Variants in KIAA1549L observed in about 807,000 individuals in gnomAD.
KIAA1549L encodes KIAA1549 like, also known as UPF0606 protein KIAA1549L.
In KIAA1549L, 88 loss-of-function variants were observed where a neutral mutation model predicts 160.7. The ratio of observed to expected loss-of-function variants is 0.55; its 90% CI spans 0.46 to 0.65. The LOEUF (loss-of-function observed/expected upper bound fraction) is 0.65. KIAA1549L is among the 30% of genes least tolerant of loss of function. The probability of loss-of-function intolerance (pLI) is 0.00; values close to 1 mark genes in which losing one functional copy is unlikely to be tolerated. For missense variants in KIAA1549L, 2,258 were observed against 2,437.5 expected, an observed-to-expected ratio of 0.93 and a Z score of 1.55; for synonymous variants, 950 against 976.7, an observed-to-expected ratio of 0.97 and a Z score of 0.51.
intron 17 of KIAA1549L, among the ~76,000 whole-genome samples, chr11:33,653,298 G>A (rs915907776): frequency 2.0e-5 from 3 of 152,178 alleles, no homozygotes; most frequent in African/African-American, 7.2e-5. Context: ...AAAAAAAATT[G>A]GAAGTACAGC....
intron 1 of KIAA1549L, among the ~76,000 whole-genome samples, chr11:33,480,547 T>C (rs1280700919): frequency 6.6e-6 from 1 of 152,176 alleles, no homozygotes; most frequent in Middle Eastern, 3.2e-3. Flanking sequence ...AGAAGTGTAA[T>C]TCATGGGTTA....
chr11:33,505,656 C>T (rs1415772870), intron 1 of KIAA1549L, among the ~76,000 whole-genome samples: 2 of 152,280 alleles, frequency 1.3e-5, no homozygotes, highest in East Asian at 1.9e-4. Context: ...CTGAGCAAAG[C>T]AATGGGACAG....
intron 11 of KIAA1549L, among the ~76,000 whole-genome samples, chr11:33,589,879 C>T (rs540909752): frequency 1.3e-5 from 2 of 152,082 alleles, no homozygotes; most frequent in Non-Finnish European, 1.5e-5. Context: ...GCATGTTTTG[C>T]ACATGTACCC....
chr11:33,456,415 T>A (rs1427205332), intron 1 of KIAA1549L, among the ~76,000 whole-genome samples: 4 of 151,902 alleles, frequency 2.6e-5, no homozygotes, highest in African/African-American at 7.2e-5. Context: ...GTTGTTGTTG[T>A]TTTTTGTTTT....
At chr11:33,405,725 C>G (rs980560211) in intron 1 of KIAA1549L, among the ~76,000 whole-genome samples, 1 of 150,920 alleles carries the variant, frequency 6.6e-6, no homozygotes, top group African/African-American at 2.4e-5. Flanking sequence ...ACCTGTAGTC[C>G]CAGCTACTCA....
intron 1 of KIAA1549L, among the ~76,000 whole-genome samples, chr11:33,475,845 AG>A (rs1565151768): frequency 6.6e-6 from 1 of 152,182 alleles, no homozygotes; most frequent in African/African-American, 2.4e-5. Flanking sequence ...TGACAGAGTG[AG>A]ACTGAGACTC....
intron 1 of KIAA1549L, among the ~76,000 whole-genome samples, chr11:33,441,507 A>G (rs1490685308): frequency 6.6e-6 from 1 of 151,252 alleles, no homozygotes; most frequent in Non-Finnish European, 1.5e-5. Context: ...CGACTTCCAC[A>G]ATGGTTGAAC....
At chr11:33,617,869 A>G (rs1337950300) in intron 15 of KIAA1549L, among the ~76,000 whole-genome samples, 1 of 150,366 alleles carries the variant, frequency 6.7e-6, no homozygotes, top group African/African-American at 2.5e-5. Flanking sequence ...GGATGGACAG[A>G]TGGGTAGGTA....
At chr11:33,502,270 G>A (rs896362752) in intron 1 of KIAA1549L, among the ~76,000 whole-genome samples, 4 of 152,184 alleles carry the variant, frequency 2.6e-5, no homozygotes, top group African/African-American at 7.2e-5. Context: ...TTTAATCGGG[G>A]ATTTTTATGT....
At chr11:33,401,714 A>G (rs1467166543) in intron 1 of KIAA1549L, among the ~76,000 whole-genome samples, 2 of 152,152 alleles carry the variant, frequency 1.3e-5, no homozygotes, top group Non-Finnish European at 2.9e-5. Context: ...GGCACATGCC[A>G]CAATGCCCAG....
chr11:33,403,491 C>CACAG (rs2134071966), intron 1 of KIAA1549L: 1 of 149,080 alleles, frequency 6.7e-6, no homozygotes, highest in Non-Finnish European at 1.5e-5. Flanking sequence ...ACATCAGACA[C>CACAG]ACATAGACAC....
intron 16 of KIAA1549L, among the ~76,000 whole-genome samples, chr11:33,624,891 A>G (rs1851057444): frequency 6.8e-6 from 1 of 146,438 alleles, no homozygotes; most frequent in African/African-American, 2.5e-5. Flanking sequence ...TATATCTCCC[A>G]GTGCTATCCC....
intron 14 of KIAA1549L, among the ~76,000 whole-genome samples, chr11:33,608,691 A>G (rs1344662776): frequency 1.3e-5 from 2 of 152,254 alleles, no homozygotes; most frequent in African/African-American, 4.8e-5. Flanking sequence ...TCCCAGGCCC[A>G]TCACCTTGTC....
chr11:33,581,136 T>G (rs552813207), intron 10 of KIAA1549L, among the ~76,000 whole-genome samples: 2 of 152,210 alleles, frequency 1.3e-5, no homozygotes, highest in African/African-American at 4.8e-5. Context: ...GGGACCCCAC[T>G]GGGAAGAGAA....
At chr11:33,493,773 C>T (rs1448545756) in intron 1 of KIAA1549L, among the ~76,000 whole-genome samples, 1 of 152,198 alleles carries the variant, frequency 6.6e-6, no homozygotes, top group African/African-American at 2.4e-5. Flanking sequence ...AACCAAGTGC[C>T]CTGTCCTTCC....
chr11:33,381,878 C>A (rs867494567), intron 1 of KIAA1549L, among the ~76,000 whole-genome samples: 1 of 152,142 alleles, frequency 6.6e-6, no homozygotes. Context: ...GGAATTGATA[C>A]GGCTCCAAGG....
At chr11:33,517,417 C>T (rs1216929916) in intron 1 of KIAA1549L, among the ~76,000 whole-genome samples, 2 of 152,094 alleles carry the variant, frequency 1.3e-5, no homozygotes, top group Admixed American at 6.5e-5. Flanking sequence ...CAAGATCATA[C>T]CTAGGGTAAT....
rs112989098 is a variant in KIAA1549L at position 33,487,784 on chromosome 11, G to A, written c.239-54018G>A. Among the ~76,000 whole-genome samples, 3 of 152,266 alleles carry A rather than the reference G, an allele frequency of 2.0e-5. 1 individual carries two copies. The highest frequency in any genetic ancestry group is 7.2e-5 in the African/African-American group (3 of 41,552). ...TTGAGACCCCCTATAAATGGGTAGG[G>A]TCCAAAGTTGGAAGACCAAAATGAG... is the stretch of plus-strand genomic sequence containing the variant. On this transcript the variant is annotated intron_variant, in intron 1 of 20. Coordinates refer to ENST00000658780, the MANE Select transcript of KIAA1549L (RefSeq NM_012194.3).
chr11:33,422,958 G>A (rs1590233859), intron 1 of KIAA1549L, among the ~76,000 whole-genome samples: 1 of 152,060 alleles, frequency 6.6e-6, no homozygotes, highest in Non-Finnish European at 1.5e-5. Context: ...CCATCAATTT[G>A]GTTCCCCCTG....
Sources: gnomAD v4.1 joint callset for allele counts (sites outside exome capture counted in the v4.1 genomes callset) on GRCh38, gnomAD v4.1.1 for gene constraint, MANE v1.5 for transcripts, NCBI Gene and HGNC (gene_info 2026-07-23, HGNC 2026-07-21) for gene names.